SPIDR: variants seen among roughly 807,000 people sequenced by gnomAD.
SPIDR encodes the protein DNA repair-scaffolding protein.
In SPIDR, 93 loss-of-function variants were observed where a neutral mutation model predicts 104.6. That is an observed-to-expected ratio of 0.89 (90% CI 0.75 to 1.06). The LOEUF (loss-of-function observed/expected upper bound fraction) is 1.06. SPIDR is among the 50% of genes least tolerant of loss of function. SPIDR has a pLI of 0.00. For synonymous variants in SPIDR, 431 were observed against 416.9 expected, an observed-to-expected ratio of 1.03 and a Z score of -0.41; for missense variants, 1,154 against 1,111.2, an observed-to-expected ratio of 1.04 and a Z score of -0.55.
At chr8:47,273,590 T>C (rs1448151174) in intron 1 of SPIDR, among the ~76,000 whole-genome samples, 14 of 151,922 alleles carry the variant, frequency 9.2e-5, no homozygotes, top group Admixed American at 3.3e-4. Flanking sequence ...TTTTTTTTTT[T>C]TAATTGTTCA....
At chr8:47,277,962 C>T (rs1372632064) in intron 1 of SPIDR, among the ~76,000 whole-genome samples, 1 of 152,118 alleles carries the variant, frequency 6.6e-6, no homozygotes, top group African/African-American at 2.4e-5. Context: ...CATGAGCCAC[C>T]GTGCCCAGCT....
At chr8:47,727,894 G>A (rs539859380) in intron 17 of SPIDR, among the ~76,000 whole-genome samples, 1 of 151,946 alleles carries the variant, frequency 6.6e-6, no homozygotes, top group East Asian at 2.0e-4. Flanking sequence ...CAAGGCAGGC[G>A]GATCATAAGG....
At chr8:47,340,070 T>G (rs1410074139) in intron 5 of SPIDR, among the ~76,000 whole-genome samples, 1 of 152,202 alleles carries the variant, frequency 6.6e-6, no homozygotes, top group Non-Finnish European at 1.5e-5. Context: ...TATAATTTTG[T>G]GGGGCTTTTC....
chr8:47,388,457 A>C (rs1432501977), intron 5 of SPIDR: 1 of 154,188 alleles, frequency 6.5e-6, no homozygotes, highest in Non-Finnish European at 1.5e-5. Context: ...ACTTAAGATG[A>C]AGTTGAAGGA....
intron 8 of SPIDR, among the ~76,000 whole-genome samples, chr8:47,443,887 C>T (rs2069999974): frequency 6.6e-6 from 1 of 151,974 alleles, no homozygotes; most frequent in Admixed American, 6.6e-5. Flanking sequence ...TAGATATTAC[C>T]TGGTAAACTC....
Position 47,431,153 on chromosome 8 carries a change from G to A in SPIDR, c.878-9170G>A, listed in dbSNP as rs149892396. On this transcript the variant is annotated intron_variant, in intron 7 of 19. Coordinates refer to ENST00000297423, the MANE Select transcript of SPIDR (RefSeq NM_001080394.4). ...GCCCTTTTACTGGTTTTAGGCAGTCGCCTTCTTGCTGTGTGCTCACAGAGC... is the reference window on the plus strand; with the variant it reads ...GCCCTTTTACTGGTTTTAGGCAGTCACCTTCTTGCTGTGTGCTCACAGAGC... 5.3e-5 allele frequency among the ~76,000 whole-genome samples: 8 copies of A among 152,314 alleles called. No individual in the cohort carries two copies. The East Asian group carries it at 1.4e-3, about 26-fold the overall frequency.
intron 5 of SPIDR, among the ~76,000 whole-genome samples, chr8:47,340,905 C>G (rs2050632568): frequency 6.6e-6 from 1 of 152,184 alleles, no homozygotes; most frequent in Admixed American, 6.5e-5. Flanking sequence ...TATGGAAGCT[C>G]TGTGTCTGGG....
chr8:47,413,968 G>A (rs16926041), intron 7 of SPIDR, among the ~76,000 whole-genome samples: 4,723 of 152,246 alleles, frequency 0.031, 208 homozygotes, highest in African/African-American at 0.1. Context: ...ACAAGGGATT[G>A]AGGAGTTAGC....
At chr8:47,343,509 G>A (rs1233418556) in intron 5 of SPIDR, among the ~76,000 whole-genome samples, 10 of 152,192 alleles carry the variant, frequency 6.6e-5, no homozygotes, top group Admixed American at 6.5e-4. Context: ...TTACAGACAG[G>A]TAGTGAGGGC....
chr8:47,289,142 C>T (rs2039433161), intron 3 of SPIDR, among the ~76,000 whole-genome samples: 1 of 152,098 alleles, frequency 6.6e-6, no homozygotes, highest in South Asian at 2.1e-4. Flanking sequence ...TCCCAAGTAG[C>T]TGGGACTACA....
chr8:47,319,645 C>A (rs375201063), intron 5 of SPIDR, among the ~76,000 whole-genome samples: 1 of 152,142 alleles, frequency 6.6e-6, no homozygotes, highest in African/African-American at 2.4e-5. Flanking sequence ...AATATACATT[C>A]TTCTCAGCAC....
chr8:47,674,056 T>C (rs1356363954), intron 11 of SPIDR, 115 bp downstream of exon 11: 3 of 1,356,702 alleles, frequency 2.2e-6, no homozygotes, highest in African/African-American at 1.5e-5. Context: ...GATCCTAGAG[T>C]TTGCCCATAA....
chr8:47,729,047 G>C lies in SPIDR; in HGVS notation c.2550G>C (p.Lys850Asn). 6.2e-7 allele frequency: 1 copy of C among 1,613,820 alleles called. No individual in the cohort carries two copies. Among genetic ancestry groups the C allele is most frequent in the Non-Finnish European group, 8.5e-7 (1 of 1,179,978 alleles). Residue 850 changes from lysine (K) to asparagine (N), a missense_variant and splice_region_variant, in exon 18 of 20, where the codon AAG (lysine) becomes AAC (asparagine). Coordinates refer to ENST00000297423, the MANE Select transcript of SPIDR (RefSeq NM_001080394.4). ...RSRPQCRVKVKLLQRSISSLL... is the reference protein window; with the variant it reads ...RSRPQCRVKVNLLQRSISSLL... ...GACCGCAGTGCAGAGTGAAGGTCAAGGTAGGAGCCAGGCCAGAGCACGCAC... is the reference window on the plus strand; with the variant it reads ...GACCGCAGTGCAGAGTGAAGGTCAACGTAGGAGCCAGGCCAGAGCACGCAC...
intron 8 of SPIDR, chr8:47,547,407 C>T (rs1454355961): frequency 7.1e-6 from 2 of 280,298 alleles, no homozygotes; most frequent in Non-Finnish European, 1.4e-5. Flanking sequence ...TGCAAATCTT[C>T]TCTTTTTTTG....
intron 8 of SPIDR, among the ~76,000 whole-genome samples, chr8:47,460,638 C>T (rs1008313509): frequency 6.6e-6 from 1 of 152,104 alleles, no homozygotes; most frequent in Non-Finnish European, 1.5e-5. Flanking sequence ...AGCATTTAAG[C>T]CATTTACACT....
At chr8:47,517,785 T>C (rs1437817939) in intron 8 of SPIDR, among the ~76,000 whole-genome samples, 1 of 152,250 alleles carries the variant, frequency 6.6e-6, no homozygotes, top group East Asian at 1.9e-4. Flanking sequence ...TATTTAACTC[T>C]TTAATCCATC....
chr8:47,363,645 A>T (rs1019962902), intron 5 of SPIDR, among the ~76,000 whole-genome samples: 2 of 151,836 alleles, frequency 1.3e-5, no homozygotes, highest in Non-Finnish European at 2.9e-5. Context: ...TATGTTTGGA[A>T]CCGTAGTGAA....
intron 14 of SPIDR, among the ~76,000 whole-genome samples, chr8:47,706,391 TCAA>T (rs547604595): frequency 6.6e-6 from 1 of 152,050 alleles, no homozygotes; most frequent in Non-Finnish European, 1.5e-5. Context: ...AGACTCTGTC[TCAA>T]CAACAACAAC....
intron 11 of SPIDR, among the ~76,000 whole-genome samples, chr8:47,695,707 G>T (rs1244064548): frequency 6.6e-6 from 1 of 152,216 alleles, no homozygotes; most frequent in East Asian, 1.9e-4. Context: ...CAGTGGACTG[G>T]AGAGTGGAAA....
Sources: allele counts gnomAD v4.1 joint callset (sites outside exome capture counted in the v4.1 genomes callset), GRCh38; gene constraint gnomAD v4.1.1; transcripts MANE v1.5; gene names NCBI Gene and HGNC (gene_info 2026-07-23, HGNC 2026-07-21).